The following MEIS1 variants were observed in gnomAD, a reference collection of about 807,000 sequenced individuals.
MEIS1 encodes the protein homeobox protein Meis1.
In MEIS1, 5 loss-of-function variants were observed where a neutral mutation model predicts 50.8. That is an observed-to-expected ratio of 0.10 (90% CI 0.05 to 0.21). The LOEUF is 0.21. Among genes scored for constraint, MEIS1 ranks in the 10% least tolerant of loss-of-function variants. MEIS1 has a pLI of 1.00. For synonymous variants in MEIS1, 176 were observed against 179.3 expected (o/e 0.98, Z 0.15); for missense variants, 318 against 517.3 (o/e 0.61, Z 3.74).
chr2:66,442,351 A>G (rs1672011500), intron 5 of MEIS1, among the ~76,000 whole-genome samples: 1 of 151,690 alleles, frequency 6.6e-6, no homozygotes, highest in Admixed American at 6.6e-5. Context: ...AGTACTGGCA[A>G]CTTGATTTCC....
intron 12 of MEIS1, 155 bp downstream of exon 12, chr2:66,569,300 A>G: frequency 1.6e-6 from 1 of 626,066 alleles, no homozygotes; most frequent in South Asian, 2.0e-5. Context: ...TTTGGTTGTG[A>G]TCAAGCTTTT....
chr2:66,519,567 G>C (rs1342957642), intron 8 of MEIS1, among the ~76,000 whole-genome samples: 1 of 152,056 alleles, frequency 6.6e-6, no homozygotes, highest in East Asian at 1.9e-4. Flanking sequence ...TAGATGAAAG[G>C]GTTATGCTAC....
intron 8 of MEIS1, among the ~76,000 whole-genome samples, chr2:66,547,330 T>C (rs1674815395): frequency 6.6e-6 from 1 of 152,180 alleles, no homozygotes; most frequent in Admixed American, 6.5e-5. Flanking sequence ...GACCTTATAT[T>C]GGCCTGTGTT....
chr2:66,568,563 T>C, intron 10 of MEIS1, 104 bp from the exon 11 acceptor site: 2 of 855,568 alleles, frequency 2.3e-6, no homozygotes, highest in South Asian at 2.8e-5. Context: ...TAGCCTGCTA[T>C]GTTCTGTCTC....
chr2:66,444,677 C>T (rs1367426849), intron 6 of MEIS1, among the ~76,000 whole-genome samples: 3 of 152,198 alleles, frequency 2.0e-5, no homozygotes, highest in Non-Finnish European at 4.4e-5. Context: ...CGGCCCGGGC[C>T]TCACGTCTGG....
chr2:66,559,593 T>C (rs1170125421), intron 9 of MEIS1, among the ~76,000 whole-genome samples: 2 of 152,238 alleles, frequency 1.3e-5, no homozygotes, highest in African/African-American at 4.8e-5. Flanking sequence ...ACTTCTGTTC[T>C]TTGAAGACAT....
At chr2:66,489,189 C>T (rs972536224) in intron 7 of MEIS1, among the ~76,000 whole-genome samples, 4 of 152,194 alleles carry the variant, frequency 2.6e-5, no homozygotes, top group Non-Finnish European at 2.9e-5. Flanking sequence ...AAAGTGCACA[C>T]TTAATTCTTA....
intron 8 of MEIS1, among the ~76,000 whole-genome samples, chr2:66,521,730 A>C (rs1674126491): frequency 6.6e-6 from 1 of 152,230 alleles, no homozygotes; most frequent in Non-Finnish European, 1.5e-5. Context: ...GTATGAATAG[A>C]ATTTTCAGTG....
Position 66,529,479 on chromosome 2 carries a change from C to T in MEIS1, c.888+17185C>T, listed in dbSNP as rs558570449. 2.0e-5 allele frequency among the ~76,000 whole-genome samples: 3 copies of T among 152,244 alleles called. No individual in the cohort carries two copies. The South Asian group carries it at 6.2e-4, about 32-fold the overall frequency. On this transcript the variant is annotated intron_variant, in intron 8 of 12. Coordinates refer to ENST00000272369, the MANE Select transcript of MEIS1 (RefSeq NM_002398.3). ...AGAAATAGGGTCTCAATCTGTTGCC[C>T]AACCTGGAGTGCAGCAGTGCAATCT...
At chr2:66,536,013 A>T (rs1226321144) in intron 8 of MEIS1, among the ~76,000 whole-genome samples, 1 of 152,236 alleles carries the variant, frequency 6.6e-6, no homozygotes, top group Admixed American at 6.5e-5. Flanking sequence ...TCTTAACTTC[A>T]GATCTGGGTG....
chr2:66,563,753 A>G (rs1675273583), intron 9 of MEIS1, among the ~76,000 whole-genome samples: 2 of 152,282 alleles, frequency 1.3e-5, no homozygotes, highest in South Asian at 4.1e-4. Context: ...ATGTCATTTT[A>G]TTACTTTGCC....
At chr2:66,502,345 G>A (rs547470905) in intron 7 of MEIS1, among the ~76,000 whole-genome samples, 1 of 152,286 alleles carries the variant, frequency 6.6e-6, no homozygotes, top group South Asian at 2.1e-4. Context: ...TCTTTTATAA[G>A]AATGGCATCT....
chr2:66,507,861 T>TTGAAATC (rs2103844314), intron 7 of MEIS1, among the ~76,000 whole-genome samples: 1 of 152,316 alleles, frequency 6.6e-6, no homozygotes, highest in East Asian at 1.9e-4. Flanking sequence ...TTGAGAGTGT[T>TTGAAATC]TGAAATCTGA....
In MEIS1 at chr2:66,491,107, G is replaced by A. The variant is rs78580033; in HGVS notation, c.743-21042G>A. ...TGGAAAAAAAAAAGAGAATAAAACA[G>A]GCCTAGTCCAATGCAACTACAAACC... On this transcript the variant is annotated intron_variant, in intron 7 of 12. Transcript: ENST00000272369. 4.6e-5 allele frequency among the ~76,000 whole-genome samples: 7 copies of A among 151,942 alleles called. No individual in the cohort carries two copies. In the East Asian group the frequency reaches 1.4e-3, roughly 29 times the overall value.
At chr2:66,504,337 G>A (rs534142054) in intron 7 of MEIS1, among the ~76,000 whole-genome samples, 234 of 152,058 alleles carry the variant, frequency 1.5e-3, no homozygotes, top group Non-Finnish European at 2.6e-3. Context: ...GGGTTCAAGC[G>A]ATTCTCCTGC....
intron 12 of MEIS1, chr2:66,570,821 CTTTT>C (rs34309198): frequency 6.5e-6 from 1 of 154,074 alleles, no homozygotes; most frequent in African/African-American, 2.4e-5. Flanking sequence ...TGATTTTTTT[CTTTT>C]TTTAAGTACA....
chr2:66,568,448 C>G (rs1675404375), intron 10 of MEIS1: 1 of 451,088 alleles, frequency 2.2e-6, no homozygotes, highest in Non-Finnish European at 4.1e-6. Context: ...AGTTTCCACA[C>G]CTTAACTGTT....
chr2:66,532,905 A>G (rs928383416), intron 8 of MEIS1, among the ~76,000 whole-genome samples: 2 of 152,256 alleles, frequency 1.3e-5, no homozygotes, highest in African/African-American at 4.8e-5. Context: ...AACAAAAAGT[A>G]GAATTCTGTT....
intron 7 of MEIS1, among the ~76,000 whole-genome samples, chr2:66,469,180 A>G (rs1425185982): frequency 2.0e-5 from 3 of 146,948 alleles, no homozygotes; most frequent in Non-Finnish European, 3.0e-5. Context: ...CAGAATAACA[A>G]TAGTACCACT....
Sources: gnomAD v4.1 joint callset for allele counts (sites outside exome capture counted in the v4.1 genomes callset) on GRCh38, gnomAD v4.1.1 for gene constraint, MANE v1.5 for transcripts, NCBI Gene and HGNC (gene_info 2026-07-23, HGNC 2026-07-21) for gene names.